The following CCSER1 variants were observed in gnomAD, a reference collection of about 807,000 sequenced individuals.
The protein encoded by CCSER1 is coiled-coil serine rich protein 1.
Under a neutral mutation model 82.0 loss-of-function variants are expected in CCSER1, and 41 were observed. The observed-to-expected ratio is 0.50, with a 90% CI of 0.39 to 0.65. CCSER1 has a LOEUF of 0.65. Ranked by LOEUF, CCSER1 falls within the 30% of genes least tolerant of loss-of-function variation. The probability of loss-of-function intolerance (pLI) is 0.00; values close to 1 mark genes in which losing one functional copy is unlikely to be tolerated. For missense variants in CCSER1, 1,119 were observed against 1,064.2 expected (o/e 1.05, Z -0.72); for synonymous variants, 414 against 383.9 (o/e 1.08, Z -0.92).
intron 1 of CCSER1, among the ~76,000 whole-genome samples, chr4:90,153,852 A>G (rs1727427781): frequency 2.6e-5 from 4 of 152,106 alleles, no homozygotes. Flanking sequence ...CTCTGATGGT[A>G]GTTTCTTTTG....
At chr4:91,582,663 T>C (rs562525163) in intron 10 of CCSER1, among the ~76,000 whole-genome samples, 1 of 151,574 alleles carries the variant, frequency 6.6e-6, no homozygotes, top group East Asian at 1.9e-4. Context: ...TTGTGGTTTT[T>C]TCATTACTTT....
intron 1 of CCSER1, among the ~76,000 whole-genome samples, chr4:90,162,577 A>G (rs919501978): frequency 6.6e-6 from 1 of 152,078 alleles, no homozygotes; most frequent in Non-Finnish European, 1.5e-5. Flanking sequence ...GCAGTATCCT[A>G]AACAGTATTA....
chr4:90,184,809 G>A (rs557537418), intron 1 of CCSER1, among the ~76,000 whole-genome samples: 2 of 152,114 alleles, frequency 1.3e-5, no homozygotes, highest in Non-Finnish European at 2.9e-5. Context: ...AGGGCAGAGA[G>A]GGGAGAACAG....
At chr4:91,465,249 A>G (rs1180370134) in intron 10 of CCSER1, among the ~76,000 whole-genome samples, 10 of 152,306 alleles carry the variant, frequency 6.6e-5, no homozygotes, top group Non-Finnish European at 1.2e-4. Context: ...CTGCTCCTGA[A>G]TGATTACTGG....
chr4:90,388,730 G>A (rs543617117), intron 3 of CCSER1, among the ~76,000 whole-genome samples: 2 of 151,986 alleles, frequency 1.3e-5, no homozygotes, highest in Non-Finnish European at 2.9e-5. Flanking sequence ...CCATCTCCTC[G>A]GTTCAACGGA....
intron 3 of CCSER1, among the ~76,000 whole-genome samples, chr4:90,360,553 C>T (rs1436160280): frequency 8.1e-6 from 1 of 122,924 alleles, no homozygotes; most frequent in Non-Finnish European, 1.6e-5. Flanking sequence ...TCCGTCCAGC[C>T]TGGACGACAG....
intron 10 of CCSER1, among the ~76,000 whole-genome samples, chr4:91,364,535 C>G (rs937886554): frequency 6.6e-6 from 1 of 152,016 alleles, no homozygotes; most frequent in African/African-American, 2.4e-5. Context: ...AAGAAAAGAA[C>G]ATTAATGATT....
At chr4:90,142,739 A>T (rs1169577983) in intron 1 of CCSER1, among the ~76,000 whole-genome samples, 1 of 152,012 alleles carries the variant, frequency 6.6e-6, no homozygotes, top group Non-Finnish European at 1.5e-5. Flanking sequence ...TTAAAGAGAA[A>T]ATTTATGTAT....
At chr4:90,757,130 G>A (rs562504156) in intron 7 of CCSER1, among the ~76,000 whole-genome samples, 5 of 152,072 alleles carry the variant, frequency 3.3e-5, no homozygotes, top group African/African-American at 7.2e-5. Flanking sequence ...TAAGAGATTC[G>A]CAAATGACAA....
At chr4:90,839,934 G>A (rs1762357708) in intron 8 of CCSER1, among the ~76,000 whole-genome samples, 1 of 151,906 alleles carries the variant, frequency 6.6e-6, no homozygotes, top group African/African-American at 2.4e-5. Context: ...CAATATTCTG[G>A]TCTCTAAGTT....
chr4:90,131,604 A>G (rs1722846235), intron 1 of CCSER1, among the ~76,000 whole-genome samples: 1 of 151,948 alleles, frequency 6.6e-6, no homozygotes, highest in Non-Finnish European at 1.5e-5. Context: ...ATTTCATATA[A>G]TAGTTTATTT....
intron 10 of CCSER1, among the ~76,000 whole-genome samples, chr4:91,568,362 C>G (rs538383645): frequency 6.6e-6 from 1 of 151,994 alleles, no homozygotes; most frequent in South Asian, 2.1e-4. Context: ...TGCAGAGATT[C>G]TCTGTATTTC....
intron 7 of CCSER1, among the ~76,000 whole-genome samples, chr4:90,748,233 G>A (rs1487255454): frequency 1.6e-5 from 2 of 122,750 alleles, no homozygotes; most frequent in African/African-American, 6.5e-5. Context: ...TCCCCTTCCT[G>A]TGTCCATGTG....
chr4:91,176,442 C>G (rs1222472507), intron 10 of CCSER1, among the ~76,000 whole-genome samples: 1 of 152,162 alleles, frequency 6.6e-6, no homozygotes, highest in African/African-American at 2.4e-5. Context: ...GATATTGATT[C>G]TTCCTATCCA....
rs1429948320 is a variant in CCSER1 at position 90,871,258 on chromosome 4, G to T, written c.2095-52112G>T. On this transcript the variant is annotated intron_variant, in intron 8 of 10. Transcript: ENST00000509176. Reference sequence around the variant, plus strand: ...TGCTCATGCTTTTGTAGTTCTTTAAGATGTATTGTTAGCTTGTTCAAGTTT... The same window carrying T: ...TGCTCATGCTTTTGTAGTTCTTTAATATGTATTGTTAGCTTGTTCAAGTTT... 3.3e-5 allele frequency among the ~76,000 whole-genome samples: 5 copies of T among 151,422 alleles called. 1 individual carries two copies. In the East Asian group the frequency reaches 9.7e-4, roughly 29 times the overall value.
chr4:91,572,627 G>A (rs1046072862), intron 10 of CCSER1, among the ~76,000 whole-genome samples: 3 of 152,036 alleles, frequency 2.0e-5, no homozygotes, highest in Non-Finnish European at 4.4e-5. Context: ...CCAGTTGGGA[G>A]GTCCCACACA....
Position 91,178,427 on chromosome 4 carries a change from T to C in CCSER1, c.2217+92433T>C, listed in dbSNP as rs549558705. ...ACAGTGGGGTAAAGTCTCCCATTAT[T>C]ATTGTGTGAGAGTCTAAGTCTCTTT... is the stretch of plus-strand genomic sequence containing the variant. On this transcript the variant is annotated intron_variant, in intron 10 of 10. Coordinates refer to ENST00000509176, the MANE Select transcript of CCSER1 (RefSeq NM_001145065.2). 2.6e-5 allele frequency among the ~76,000 whole-genome samples: 4 copies of C among 152,256 alleles called. No individual in the cohort carries two copies. In the South Asian group the frequency reaches 8.3e-4, roughly 32 times the overall value.
intron 10 of CCSER1, among the ~76,000 whole-genome samples, chr4:91,173,964 T>TGA (rs752550775): frequency 6.6e-6 from 1 of 152,148 alleles, no homozygotes; most frequent in Non-Finnish European, 1.5e-5. Flanking sequence ...ATTGTAGTTT[T>TGA]TATATATATA....
chr4:91,519,497 C>T (rs963651691), intron 10 of CCSER1, among the ~76,000 whole-genome samples: 16 of 152,208 alleles, frequency 1.1e-4, no homozygotes, highest in African/African-American at 2.4e-4. Flanking sequence ...CCCCCTTCCT[C>T]GGGGCCTATA....
Sources: gnomAD v4.1 joint callset for allele counts (sites outside exome capture counted in the v4.1 genomes callset) on GRCh38, gnomAD v4.1.1 for gene constraint, MANE v1.5 for transcripts, NCBI Gene and HGNC (gene_info 2026-07-23, HGNC 2026-07-21) for gene names.